SND1: variants seen among roughly 807,000 people sequenced by gnomAD.
SND1 encodes the protein staphylococcal nuclease and tudor domain containing 1.
In SND1, 38 loss-of-function variants were observed where a neutral mutation model predicts 121.7. The observed-to-expected ratio is 0.31, with a 90% CI of 0.24 to 0.41. The LOEUF is 0.41. Ranked by LOEUF, SND1 falls within the 10% of genes least tolerant of loss-of-function variation. The probability of loss-of-function intolerance (pLI) is 1.00; values close to 1 mark genes in which losing one functional copy is unlikely to be tolerated. For missense variants in SND1, 868 were observed against 1,184.6 expected, an observed-to-expected ratio of 0.73 and a Z score of 3.92; for synonymous variants, 401 against 447.4, an observed-to-expected ratio of 0.90 and a Z score of 1.31.
Position 127,861,479 on chromosome 7 carries a change from G to GT in SND1, c.1343+17061dup, listed in dbSNP as rs199555651. Reference sequence around the variant, plus strand: ...GGTGTCATTCATTTGTTTCGTTTTTGTTTTTTGTTTTTTGAGACAGAGTCT... The same window carrying GT: ...GGTGTCATTCATTTGTTTCGTTTTTGTTTTTTTGTTTTTTGAGACAGAGTCT... On this transcript the variant is annotated intron_variant, in intron 12 of 23. Transcript: ENST00000354725. Among the ~76,000 whole-genome samples the GT allele has an allele frequency of 1.3e-3, 194 of 152,104 alleles. 4 individuals carry two copies. In the East Asian group the frequency reaches 0.032, roughly 25 times the overall value.
chr7:128,037,661 C>T (rs1584755299), intron 16 of SND1, among the ~76,000 whole-genome samples: 1 of 152,114 alleles, frequency 6.6e-6, no homozygotes, highest in African/African-American at 2.4e-5. Flanking sequence ...TGACTCTTCC[C>T]TATACCTGTG....
At chr7:128,056,116 G>A (rs1176606262) in intron 16 of SND1, among the ~76,000 whole-genome samples, 14 of 152,240 alleles carry the variant, frequency 9.2e-5, no homozygotes, top group Admixed American at 3.3e-4. Context: ...GCATGTCTTT[G>A]TGAACTTAAT....
chr7:127,913,351 G>A (rs994493143), intron 14 of SND1, among the ~76,000 whole-genome samples: 1 of 152,174 alleles, frequency 6.6e-6, no homozygotes, highest in Non-Finnish European at 1.5e-5. Flanking sequence ...CTCAGCATTT[G>A]CAACAGGGTC....
intron 10 of SND1, among the ~76,000 whole-genome samples, chr7:127,745,907 G>C (rs1424551822): frequency 6.6e-6 from 1 of 152,296 alleles, no homozygotes; most frequent in Admixed American, 6.5e-5. Context: ...TCATGCCAAG[G>C]CATCTCCAAC....
chr7:127,775,201 C>G (rs985317399), intron 10 of SND1, among the ~76,000 whole-genome samples: 1 of 152,168 alleles, frequency 6.6e-6, no homozygotes, highest in African/African-American at 2.4e-5. Context: ...TTCCTTAGAA[C>G]CTTTAAAGGG....
intron 14 of SND1, among the ~76,000 whole-genome samples, chr7:127,909,609 C>T (rs1800413678): frequency 6.6e-6 from 1 of 152,090 alleles, no homozygotes; most frequent in Non-Finnish European, 1.5e-5. Flanking sequence ...AGGTGCACAC[C>T]ATCACACCCA....
chr7:127,746,417 T>C (rs561888934), intron 10 of SND1, among the ~76,000 whole-genome samples: 6 of 152,304 alleles, frequency 3.9e-5, no homozygotes, highest in African/African-American at 1.4e-4. Flanking sequence ...TTCATTTCCA[T>C]AACAACTGTT....
rs995689812 is a variant in SND1, at chr7:128,058,395, A to C, written c.1780-16107A>C. On this transcript the variant is annotated intron_variant, in intron 16 of 23. Transcript: ENST00000354725. ...CCCATGTTACAGCTTGAAGAAACTG[A>C]AGCACAAAGTCTTAAAATAACTCCC... is the stretch of plus-strand genomic sequence containing the variant. Among the ~76,000 whole-genome samples the C allele has an allele frequency of 1.2e-4, 18 of 152,254 alleles. No individual in the cohort carries two copies. In the East Asian group the frequency reaches 3.5e-3, roughly 29 times the overall value.
At chr7:127,860,830 A>C (rs73721018) in intron 12 of SND1, among the ~76,000 whole-genome samples, 2,587 of 152,310 alleles carry the variant, frequency 0.017, 93 homozygotes, top group African/African-American at 0.059. Flanking sequence ...TGATGAAATA[A>C]ATTCAAGTAT....
intron 11 of SND1, among the ~76,000 whole-genome samples, chr7:127,819,327 A>C (rs1324382489): frequency 2.0e-5 from 3 of 152,200 alleles, no homozygotes; most frequent in African/African-American, 7.2e-5. Context: ...ACATTCTTAC[A>C]CTTGGGATGA....
In SND1 at chr7:128,011,265, T is replaced by C. The variant is rs534927993; in HGVS notation, c.1779+20209T>C. Reference sequence around the variant, plus strand: ...GGAGGAATGATGCAGACTGGCCCAGTGCAGAGGTGCTTGAGGGCCCTGTGA... The same window carrying C: ...GGAGGAATGATGCAGACTGGCCCAGCGCAGAGGTGCTTGAGGGCCCTGTGA... On this transcript the variant is annotated intron_variant, in intron 16 of 23. Transcript: ENST00000354725. Among the ~76,000 whole-genome samples the C allele has an allele frequency of 8.5e-5, 13 of 152,230 alleles. No individual in the cohort carries two copies. The East Asian group carries it at 2.1e-3, about 25-fold the overall frequency.
rs569335401 is a variant in SND1, at chr7:127,749,722, G to A, written c.1152+28322G>A. ...AGGAATTAAGTTAATAAAAATTGGT[G>A]GAACTGGTTTAAGAGACTCTGGGAA... On this transcript the variant is annotated intron_variant, in intron 10 of 23. Coordinates refer to ENST00000354725, the MANE Select transcript of SND1 (RefSeq NM_014390.4). Among the ~76,000 whole-genome samples the A allele has an allele frequency of 2.0e-5, 3 of 152,318 alleles. No individual in the cohort carries two copies. The East Asian group carries it at 5.8e-4, about 29-fold the overall frequency.
chr7:128,025,740 A>G (rs1461944388), intron 16 of SND1, among the ~76,000 whole-genome samples: 1 of 152,192 alleles, frequency 6.6e-6, no homozygotes, highest in Non-Finnish European at 1.5e-5. Context: ...GGGCAGGCCT[A>G]CTGGGGTAAG....
chr7:127,695,649 A>G (rs995780246), intron 3 of SND1, among the ~76,000 whole-genome samples: 1 of 152,156 alleles, frequency 6.6e-6, no homozygotes, highest in Non-Finnish European at 1.5e-5. Context: ...CTGGGGCAAC[A>G]TGGTAAAACC....
rs150309965 is a variant in SND1, at chr7:128,028,964, T to C, written c.1779+37908T>C. On this transcript the variant is annotated intron_variant, in intron 16 of 23. Transcript: ENST00000354725. Reference sequence around the variant, plus strand: ...TCTCAACAGTCCGGGCGGCTGTGACTGTACTCCGCTGCTGGTGCCGCTTAC... The same window carrying C: ...TCTCAACAGTCCGGGCGGCTGTGACCGTACTCCGCTGCTGGTGCCGCTTAC... 1.7e-5 allele frequency: 27 copies of C among 1,608,652 alleles called. No individual in the cohort carries two copies. The African/African-American group carries it at 3.3e-4, about 20-fold the overall frequency.
At chr7:127,693,138 T>C (rs1795950376) in intron 2 of SND1, among the ~76,000 whole-genome samples, 1 of 152,222 alleles carries the variant, frequency 6.6e-6, no homozygotes, top group Admixed American at 6.5e-5. Flanking sequence ...AGTAAGTTGA[T>C]CCCTAAGGTA....
intron 15 of SND1, among the ~76,000 whole-genome samples, chr7:127,947,591 C>T (rs1276833236): frequency 6.6e-6 from 1 of 152,126 alleles, no homozygotes; most frequent in Non-Finnish European, 1.5e-5. Flanking sequence ...CTTCCCAAGA[C>T]GCCAGCTACA....
rs1357773740 is a variant in SND1, at chr7:127,964,864, A to G, written c.1670-26083A>G. ...CTTGGGCAGTATGGCCATTTTCACGATATTGATTCTTCCTACCCATGAGCA... is the reference window on the plus strand; with the variant it reads ...CTTGGGCAGTATGGCCATTTTCACGGTATTGATTCTTCCTACCCATGAGCA... On this transcript the variant is annotated intron_variant, in intron 15 of 23. Coordinates refer to ENST00000354725, the MANE Select transcript of SND1 (RefSeq NM_014390.4). Among the ~76,000 whole-genome samples the G allele has an allele frequency of 4.7e-4, 43 of 90,786 alleles. No homozygotes were observed. The East Asian group carries it at 0.01, about 22-fold the overall frequency. 59.6% of individuals were successfully genotyped at this position (90,786 alleles called of 152,430 possible).
chr7:127,841,059 A>G lies in SND1; in HGVS notation c.1243-3265A>G, dbSNP rs545083101. Among the ~76,000 whole-genome samples the G allele has an allele frequency of 3.9e-5, 6 of 152,338 alleles. No individual in the cohort carries two copies. The South Asian group carries it at 1.0e-3, about 26-fold the overall frequency. On this transcript the variant is annotated intron_variant, in intron 11 of 23. Transcript: ENST00000354725. ...ACTTTGGCCTTCTGGCCTGAGAGAT[A>G]CACAGGTGTTCACTTTTGTTTGTTA...
Sources: allele counts gnomAD v4.1 joint callset (sites outside exome capture counted in the v4.1 genomes callset), GRCh38; gene constraint gnomAD v4.1.1; transcripts MANE v1.5; gene names NCBI Gene and HGNC (gene_info 2026-07-23, HGNC 2026-07-21).